Variants in NAV2 observed in about 807,000 individuals in gnomAD.
The protein encoded by NAV2 is helicase, APC down-regulated 1.
In NAV2, 54 loss-of-function variants were observed where a neutral mutation model predicts 223.2. That is an observed-to-expected ratio of 0.24 (90% CI 0.19 to 0.30). NAV2 has a LOEUF of 0.30. Ranked by LOEUF, NAV2 falls within the 10% of genes least tolerant of loss-of-function variation. The pLI is 1.00. For synonymous variants in NAV2, 1,279 were observed against 1,239.3 expected (o/e 1.03, Z -0.67); for missense variants, 2,806 against 3,147.5 (o/e 0.89, Z 2.60).
chr11:19,819,892 A>T (rs981714564), intron 1 of NAV2, among the ~76,000 whole-genome samples: 1 of 152,212 alleles, frequency 6.6e-6, no homozygotes, highest in East Asian at 1.9e-4. Context: ...CTAATCTCTC[A>T]TTCTATCCCC....
intron 1 of NAV2, among the ~76,000 whole-genome samples, chr11:19,384,225 A>T (rs1397227032): frequency 6.6e-6 from 1 of 152,264 alleles, no homozygotes; most frequent in African/African-American, 2.4e-5. Flanking sequence ...ACATCTTAAA[A>T]TATAAAATGT....
At chr11:19,439,144 A>G (rs928463268) in intron 1 of NAV2, among the ~76,000 whole-genome samples, 3 of 152,164 alleles carry the variant, frequency 2.0e-5, no homozygotes, top group Non-Finnish European at 4.4e-5. Flanking sequence ...GCTTGTATGA[A>G]TAGCAAAAGA....
intron 1 of NAV2, among the ~76,000 whole-genome samples, chr11:19,777,104 C>CT (rs919722090): frequency 6.9e-6 from 1 of 144,082 alleles, no homozygotes; most frequent in Non-Finnish European, 1.5e-5. Context: ...CCCCCCCCCC[C>CT]ACCCCGCCCT....
At chr11:19,836,284 G>A (rs1040708310) in intron 2 of NAV2, among the ~76,000 whole-genome samples, 2 of 151,838 alleles carry the variant, frequency 1.3e-5, no homozygotes, top group African/African-American at 2.4e-5. Context: ...TGGGCCAGGC[G>A]CGGTGGCTCA....
At chr11:19,939,341 C>A (rs1591334887) in intron 7 of NAV2, among the ~76,000 whole-genome samples, 1 of 152,286 alleles carries the variant, frequency 6.6e-6, no homozygotes, top group South Asian at 2.1e-4. Flanking sequence ...TTATTCAAAT[C>A]ACCCCGTACC....
intron 1 of NAV2, among the ~76,000 whole-genome samples, chr11:19,466,464 G>A (rs1288032000): frequency 6.6e-6 from 1 of 152,224 alleles, no homozygotes; most frequent in Non-Finnish European, 1.5e-5. Context: ...AGGTGTGCAG[G>A]TGCCAAAGCC....
At position 19,934,256 on chromosome 11, in the gene NAV2, C is replaced by T. The variant is rs377122313; in HGVS notation, c.2012C>T (p.Thr671Met). The change falls in exon 7 of 38, where the codon ACG (threonine) becomes ATG (methionine). Residue 671 changes from threonine to methionine, a missense_variant. Thr to Met is a moderately conservative substitution (Grantham distance 81, BLOSUM62 -1). Around this residue, in one of 4 missense-constraint regions of NAV2, gnomAD observed 1,167 missense variants for 1,180.5 expected, o/e 0.99. Coordinates refer to ENST00000349880, the MANE Select transcript of NAV2 (RefSeq NM_145117.5). ...CAATACAACCATCCCAACACTGCCA[C>T]GGTTGCACCTTTCCTGTACAGGTAG... is the stretch of plus-strand genomic sequence containing the variant. ...QQQYNHPNTA[T>M]VAPFLYRSQT... is the part of the protein sequence containing the mutation. The T allele has an allele frequency of 1.1e-5, 18 of 1,600,664 alleles. No homozygotes were observed. Among genetic ancestry groups the T allele is most frequent in the East Asian group, 2.2e-5 (1 of 44,758 alleles).
At chr11:19,526,645 A>C (rs2043851383) in intron 1 of NAV2, among the ~76,000 whole-genome samples, 1 of 152,164 alleles carries the variant, frequency 6.6e-6, no homozygotes, top group Non-Finnish European at 1.5e-5. Flanking sequence ...CCCACTCTGC[A>C]GTAGAGGTCT....
At chr11:19,965,141 T>C (rs1466018891) in intron 10 of NAV2, among the ~76,000 whole-genome samples, 1 of 152,084 alleles carries the variant, frequency 6.6e-6, no homozygotes, top group Non-Finnish European at 1.5e-5. Context: ...CTCTATGTTC[T>C]AGGAACTCCT....
At chr11:19,959,810 C>T (rs567685927) in intron 10 of NAV2, among the ~76,000 whole-genome samples, 15 of 152,288 alleles carry the variant, frequency 9.8e-5, no homozygotes, top group African/African-American at 3.6e-4. Context: ...CGACAGCTAC[C>T]GTGCTGGGCG....
intron 1 of NAV2, among the ~76,000 whole-genome samples, chr11:19,670,709 C>A: frequency 6.6e-6 from 1 of 152,306 alleles, no homozygotes; most frequent in Non-Finnish European, 1.5e-5. Flanking sequence ...GGCTTTGAAG[C>A]GGCAGCTGGG....
chr11:19,884,780 G>GTGT lies in NAV2; in HGVS notation c.770+4676_770+4678dup, dbSNP rs66462782. ...ATCTCATTTATGTGTCTTGTGCTTT[G>GTGT]TGTTGTTGTTGTTGTTGTTGTTGTT... On this transcript the variant is annotated intron_variant, in intron 5 of 37. Coordinates refer to ENST00000349880, the MANE Select transcript of NAV2 (RefSeq NM_145117.5). Among the ~76,000 whole-genome samples the GTGT allele has an allele frequency of 7.9e-4, 120 of 151,012 alleles. 1 individual carries two copies. In the Middle Eastern group the frequency reaches 0.01, roughly 13 times the overall value.
At chr11:19,877,296 A>G (rs1005477224) in intron 4 of NAV2, among the ~76,000 whole-genome samples, 3 of 152,060 alleles carry the variant, frequency 2.0e-5, no homozygotes, top group South Asian at 2.1e-4. Context: ...GTTATAAACT[A>G]TATGACTTGA....
In NAV2 at chr11:19,743,042, G is replaced by C. The variant is rs2052992631; in HGVS notation, c.267+29080G>C. Among the ~76,000 whole-genome samples the C allele has an allele frequency of 2.0e-5, 3 of 152,340 alleles. No individual in the cohort carries two copies. The South Asian group carries it at 6.2e-4, about 32-fold the overall frequency. The stretch of plus-strand genomic sequence containing the variant: ...CCAAGATTAGAGAAGGAAGAACAGT[G>C]GGGTTTAGGAGAAAGAGCACTGTGA... On this transcript the variant is annotated intron_variant, in intron 1 of 37. Coordinates refer to ENST00000349880, the MANE Select transcript of NAV2 (RefSeq NM_145117.5).
intron 1 of NAV2, among the ~76,000 whole-genome samples, chr11:19,446,444 C>T (rs533243564): frequency 5.3e-5 from 8 of 152,178 alleles, no homozygotes; most frequent in African/African-American, 1.9e-4. Context: ...AGAACAAGGC[C>T]AGAGGTTGTT....
In NAV2 at chr11:19,397,418, T is replaced by TGTGTGTGTGTGCGCGCGC. The variant is rs57566081; in HGVS notation, c.75+46392_75+46393insTGTGTGTGTGCGCGCGCG. ...GGGAGTGTGTGTGTGTGTGTGTGTG[T>TGTGTGTGTGTGCGCGCGC]GCGCGCATGTGTGTGTAGGGAATAC... On this transcript the variant is annotated intron_variant, in intron 1 of 37. Transcript: ENST00000360655. Among the ~76,000 whole-genome samples, 3 of 145,264 alleles carry TGTGTGTGTGTGCGCGCGC rather than the reference T, an allele frequency of 2.1e-5. 1 individual carries two copies. The highest frequency in any genetic ancestry group is 7.8e-5 in the African/African-American group (3 of 38,534).
intron 2 of NAV2, among the ~76,000 whole-genome samples, chr11:19,837,441 G>C (rs1254700394): frequency 6.6e-6 from 1 of 152,102 alleles, no homozygotes; most frequent in East Asian, 1.9e-4. Context: ...TCTATTGATT[G>C]CTTATTAGCT....
intron 22 of NAV2, among the ~76,000 whole-genome samples, chr11:20,075,166 T>A (rs1406486572): frequency 6.6e-6 from 1 of 152,090 alleles, no homozygotes; most frequent in East Asian, 1.9e-4. Context: ...CTAAAGCATA[T>A]CTCTTTATTT....
At position 19,565,563 on chromosome 11, in the gene NAV2, G is replaced by T. The variant is rs765954527; in HGVS notation, c.75+214536G>T. Among the ~76,000 whole-genome samples the T allele has an allele frequency of 2.8e-4, 42 of 152,264 alleles. No homozygotes were observed. In the Middle Eastern group the frequency reaches 0.024, roughly 86 times the overall value. ...CTGAGGAAGGGCTACATGCATCACT[G>T]ATCTCTCCCTTAACCACCCCTTTCA... On this transcript the variant is annotated intron_variant, in intron 1 of 37. Transcript: ENST00000360655.
Sources: gnomAD v4.1 joint callset for allele counts (sites outside exome capture counted in the v4.1 genomes callset) on GRCh38, gnomAD v4.1.1 for gene constraint, gnomAD v4.1.1 regional missense constraint, MANE v1.5 for transcripts, NCBI Gene and HGNC (gene_info 2026-07-23, HGNC 2026-07-21) for gene names.